EYA2: variants seen among roughly 807,000 people sequenced by gnomAD.
EYA2 encodes protein phosphatase EYA2.
In EYA2, 31 loss-of-function variants were observed where a neutral mutation model predicts 69.2. The observed-to-expected ratio is 0.45, with a 90% CI of 0.34 to 0.60. The LOEUF (loss-of-function observed/expected upper bound fraction) is 0.60. Ranked by LOEUF, EYA2 falls within the 20% of genes least tolerant of loss-of-function variation. EYA2 has a pLI of 0.02. For missense variants in EYA2, 622 were observed against 701.2 expected (o/e 0.89, Z 1.28); for synonymous variants, 257 against 279.4 (o/e 0.92, Z 0.80).
At chr20:46,937,840 A>G (rs1985982888) in intron 1 of EYA2, among the ~76,000 whole-genome samples, 1 of 152,070 alleles carries the variant, frequency 6.6e-6, no homozygotes, top group African/African-American at 2.4e-5. Flanking sequence ...TTCATTCTAC[A>G]AATATTTCTT....
At chr20:46,907,175 T>C (rs1984400106) in intron 1 of EYA2, among the ~76,000 whole-genome samples, 1 of 152,228 alleles carries the variant, frequency 6.6e-6, no homozygotes, top group South Asian at 2.1e-4. Flanking sequence ...AAATTAAGTC[T>C]AGAAATCATA....
intron 5 of EYA2, among the ~76,000 whole-genome samples, chr20:47,035,534 A>T (rs940595475): frequency 2.0e-5 from 3 of 152,098 alleles, no homozygotes; most frequent in Admixed American, 2.0e-4. Context: ...ATCATAATAG[A>T]TGTCTCTCCA....
intron 5 of EYA2, among the ~76,000 whole-genome samples, chr20:47,048,741 AAAAT>A (rs1283079105): frequency 2.0e-5 from 3 of 152,240 alleles, no homozygotes; most frequent in Non-Finnish European, 1.5e-5. Flanking sequence ...CTGTCTCAAG[AAAAT>A]AAATAATAAA....
chr20:46,910,719 A>G (rs1471917258), intron 1 of EYA2, among the ~76,000 whole-genome samples: 1 of 152,214 alleles, frequency 6.6e-6, no homozygotes, highest in East Asian at 1.9e-4. Flanking sequence ...GGGGCATGGC[A>G]GTAACATCGG....
Position 46,953,419 on chromosome 20 carries a change from A to G in EYA2, c.-10-36582A>G, listed in dbSNP as rs193065477. Among the ~76,000 whole-genome samples, 3 of 152,356 alleles carry G rather than the reference A, an allele frequency of 2.0e-5. No homozygotes were observed. The East Asian group carries it at 5.8e-4, about 29-fold the overall frequency. ...ATGTTTTCCTGTTCGGTGGAAAGGA[A>G]GCATCAACATAGAAGATTAGGTAGG... On this transcript the variant is annotated intron_variant, in intron 1 of 15. Coordinates refer to ENST00000327619, the MANE Select transcript of EYA2 (RefSeq NM_005244.5).
At chr20:47,045,615 C>T (rs932586004) in intron 5 of EYA2, among the ~76,000 whole-genome samples, 7 of 152,162 alleles carry the variant, frequency 4.6e-5, no homozygotes, top group African/African-American at 1.7e-4. Flanking sequence ...ACCTTGAAGA[C>T]GTTCTGCCTG....
intron 1 of EYA2, among the ~76,000 whole-genome samples, chr20:46,959,514 A>C (rs1979338140): frequency 6.6e-6 from 1 of 152,196 alleles, no homozygotes; most frequent in South Asian, 2.1e-4. Flanking sequence ...AGCTGATCGC[A>C]GTGAGGCCCT....
intron 8 of EYA2, chr20:47,095,672 A>C (rs1209142437): frequency 2.6e-5 from 4 of 152,228 alleles, no homozygotes. Flanking sequence ...ACTTAAAAAA[A>C]ATGATGAAAG....
At chr20:47,082,498 T>A (rs897867361) in intron 7 of EYA2, among the ~76,000 whole-genome samples, 2 of 152,140 alleles carry the variant, frequency 1.3e-5, no homozygotes, top group African/African-American at 2.4e-5. Flanking sequence ...AGATGTGAAA[T>A]ACTCAAGGTT....
intron 5 of EYA2, among the ~76,000 whole-genome samples, chr20:47,046,672 C>T (rs1339505925): frequency 6.6e-6 from 1 of 152,234 alleles, no homozygotes; most frequent in East Asian, 1.9e-4. Flanking sequence ...CTGGACTAGT[C>T]CATTCATCTA....
chr20:46,964,061 T>G (rs113078640), intron 1 of EYA2, among the ~76,000 whole-genome samples: 1 of 152,196 alleles, frequency 6.6e-6, no homozygotes, highest in African/African-American at 2.4e-5. Flanking sequence ...AGTAATAGAA[T>G]CGAAAATACC....
chr20:46,984,661 A>C (rs1981067972), intron 1 of EYA2, among the ~76,000 whole-genome samples: 1 of 152,352 alleles, frequency 6.6e-6, no homozygotes, highest in Admixed American at 6.5e-5. Context: ...GGAGTTATGA[A>C]GAACAGTCTG....
intron 9 of EYA2, among the ~76,000 whole-genome samples, chr20:47,121,962 C>T (rs555734785): frequency 1.3e-5 from 2 of 152,312 alleles, no homozygotes; most frequent in East Asian, 3.9e-4. Flanking sequence ...AGGGCATCTG[C>T]AGGCCACACC....
chr20:47,094,561 A>C (rs1048538267), intron 8 of EYA2, among the ~76,000 whole-genome samples: 2 of 152,252 alleles, frequency 1.3e-5, no homozygotes, highest in African/African-American at 4.8e-5. Flanking sequence ...GGCAAATGCC[A>C]TTGTGTTAAT....
intron 1 of EYA2, among the ~76,000 whole-genome samples, chr20:46,967,604 A>T (rs1979868636): frequency 1.3e-5 from 2 of 152,158 alleles, no homozygotes; most frequent in Admixed American, 6.5e-5. Flanking sequence ...AACAGCTGTG[A>T]GCAGACCCCA....
chr20:47,184,521 G>T (rs1165386341), intron 15 of EYA2, among the ~76,000 whole-genome samples: 4 of 149,182 alleles, frequency 2.7e-5, no homozygotes, highest in Non-Finnish European at 4.4e-5. Flanking sequence ...GGACTCAAGC[G>T]ATCTTCCCAC....
intron 7 of EYA2, among the ~76,000 whole-genome samples, chr20:47,088,440 T>TGA (rs941296684): frequency 1.3e-5 from 2 of 152,122 alleles, no homozygotes; most frequent in African/African-American, 4.8e-5. Flanking sequence ...GATTTCAGAT[T>TGA]GAGAGAGTTG....
chr20:46,912,043 C>T (rs958506596), intron 1 of EYA2, among the ~76,000 whole-genome samples: 1 of 152,008 alleles, frequency 6.6e-6, no homozygotes, highest in Non-Finnish European at 1.5e-5. Flanking sequence ...TCACATGGAC[C>T]CCCCATAAAT....
intron 15 of EYA2, among the ~76,000 whole-genome samples, chr20:47,185,362 A>G (rs1018025806): frequency 2.9e-5 from 4 of 137,646 alleles, no homozygotes; most frequent in African/African-American, 1.1e-4. Context: ...GTGCAGTAGC[A>G]TGATCTCGGC....
Sources: allele counts gnomAD v4.1 joint callset (sites outside exome capture counted in the v4.1 genomes callset), GRCh38; gene constraint gnomAD v4.1.1; transcripts MANE v1.5; gene names NCBI Gene and HGNC (gene_info 2026-07-23, HGNC 2026-07-21).